The following DLGAP2 variants were observed in gnomAD, a reference collection of about 807,000 sequenced individuals.
DLGAP2 encodes disks large-associated protein 2.
In DLGAP2, 26 loss-of-function variants were observed where a neutral mutation model predicts 100.3. The ratio of observed to expected loss-of-function variants is 0.26; its 90% confidence interval spans 0.19 to 0.36. The LOEUF is 0.36. Among genes scored for constraint, DLGAP2 ranks in the 10% least tolerant of loss-of-function variants. DLGAP2 has a pLI of 1.00. For missense variants in DLGAP2, 1,858 were observed against 1,453.2 expected (o/e 1.28, Z -4.53); for synonymous variants, 886 against 630.1 (o/e 1.41, Z -6.08).
intron 3 of DLGAP2, among the ~76,000 whole-genome samples, chr8:1,413,115 G>A (rs570190841): frequency 6.6e-6 from 1 of 152,286 alleles, no homozygotes; most frequent in East Asian, 1.9e-4. Flanking sequence ...GGAACTCACA[G>A]CTTTGTGTTC....
intron 3 of DLGAP2, among the ~76,000 whole-genome samples, chr8:1,317,495 T>C (rs1216512816): frequency 2.8e-5 from 4 of 140,812 alleles, no homozygotes; most frequent in Non-Finnish European, 6.1e-5. Context: ...TGGTCTACAC[T>C]CGAGACACTT....
intron 2 of DLGAP2, among the ~76,000 whole-genome samples, chr8:927,904 C>G (rs902403535): frequency 2.6e-5 from 4 of 152,236 alleles, no homozygotes; most frequent in Non-Finnish European, 5.9e-5. Context: ...CACAGATGCA[C>G]AAGTTCCCCT....
At chr8:1,276,217 C>A (rs977497731) in intron 3 of DLGAP2, among the ~76,000 whole-genome samples, 5 of 150,874 alleles carry the variant, frequency 3.3e-5, no homozygotes, top group South Asian at 2.1e-4. Flanking sequence ...CACTCCCCCC[C>A]CGACCCTAGC....
chr8:1,082,423 A>G (rs1381533454), intron 2 of DLGAP2, among the ~76,000 whole-genome samples: 6 of 152,244 alleles, frequency 3.9e-5, no homozygotes, highest in African/African-American at 1.4e-4. Flanking sequence ...GGGGGCAGCC[A>G]ACACGGGATA....
At chr8:1,495,153 A>T (rs568459656) in intron 3 of DLGAP2, among the ~76,000 whole-genome samples, 2 of 152,158 alleles carry the variant, frequency 1.3e-5, no homozygotes, top group Non-Finnish European at 2.9e-5. Context: ...GTCAAGGTCA[A>T]TGGAGTCCTG....
intron 3 of DLGAP2, among the ~76,000 whole-genome samples, chr8:1,433,295 A>C (rs1355329287): frequency 6.6e-6 from 1 of 152,238 alleles, no homozygotes; most frequent in East Asian, 1.9e-4. Flanking sequence ...GTTCCGAAAC[A>C]ACCCCTGTAC....
intron 2 of DLGAP2, among the ~76,000 whole-genome samples, chr8:1,124,527 C>T (rs903576931): frequency 6.6e-6 from 1 of 152,136 alleles, no homozygotes; most frequent in Non-Finnish European, 1.5e-5. Context: ...ATATACTTTT[C>T]TGTTTGTTTT....
At chr8:1,281,096 T>C (rs1799805048) in intron 3 of DLGAP2, among the ~76,000 whole-genome samples, 3 of 152,220 alleles carry the variant, frequency 2.0e-5, no homozygotes, top group Admixed American at 6.5e-5. Flanking sequence ...TTCAATGAGA[T>C]TATGTATGCC....
In DLGAP2 at chr8:917,358, C is replaced by G. The variant is rs1018806988; in HGVS notation, c.73+9392C>G. Among the ~76,000 whole-genome samples the G allele has an allele frequency of 2.6e-5, 4 of 151,940 alleles. No homozygotes were observed. The South Asian group carries it at 6.3e-4, about 24-fold the overall frequency. ...GGCACAAACAATCTTTCCACCTCAG[C>G]CCCTCAAGTAGCTGAGACTACAGGT... On this transcript the variant is annotated intron_variant, in intron 2 of 14. Coordinates refer to ENST00000637795, the MANE Select transcript of DLGAP2 (RefSeq NM_001346810.2).
At chr8:881,367 TAG>T (rs1797787752) in intron 1 of DLGAP2, among the ~76,000 whole-genome samples, 1 of 152,144 alleles carries the variant, frequency 6.6e-6, no homozygotes, top group African/African-American at 2.4e-5. Context: ...TCTCTGTAAA[TAG>T]AGATTCTTAT....
At chr8:1,626,929 C>G in intron 7 of DLGAP2, 42 bp downstream of exon 7, 2 of 1,554,236 alleles carry the variant, frequency 1.3e-6, no homozygotes, top group South Asian at 1.2e-5. Context: ...TCCAGTCTCC[C>G]CAGCCAGGCT....
rs1312379554 is a variant in DLGAP2, at chr8:1,569,649, T to G, written c.1442+3755T>G. Among the ~76,000 whole-genome samples, 3 of 152,226 alleles carry G rather than the reference T, an allele frequency of 2.0e-5. No individual in the cohort carries two copies. The South Asian group carries it at 6.2e-4, about 32-fold the overall frequency. On this transcript the variant is annotated intron_variant, in intron 6 of 14. Coordinates refer to ENST00000637795, the MANE Select transcript of DLGAP2 (RefSeq NM_001346810.2). ...ATGACATTGCTGAAGCTCAGCTTTG[T>G]AACTCAGGGAAGCTCTCATGATGCC...
At chr8:1,138,569 G>A (rs988157121) in intron 2 of DLGAP2, among the ~76,000 whole-genome samples, 2 of 152,248 alleles carry the variant, frequency 1.3e-5, no homozygotes, top group Non-Finnish European at 2.9e-5. Context: ...TTAGAAACAC[G>A]AGAAGACACT....
At chr8:1,662,025 C>A (rs550099996) in intron 8 of DLGAP2, among the ~76,000 whole-genome samples, 22 of 152,312 alleles carry the variant, frequency 1.4e-4, no homozygotes, top group African/African-American at 4.8e-4. Context: ...ACAGCAAGAC[C>A]TCAGGGGAAG....
At chr8:1,633,708 C>A (rs980286812) in intron 8 of DLGAP2, among the ~76,000 whole-genome samples, 1 of 152,022 alleles carries the variant, frequency 6.6e-6, no homozygotes, top group Non-Finnish European at 1.5e-5. Context: ...ACACAGCAAG[C>A]AATAAAAGCT....
At chr8:844,417 G>A (rs1018515827) in intron 1 of DLGAP2, among the ~76,000 whole-genome samples, 3 of 152,148 alleles carry the variant, frequency 2.0e-5, no homozygotes, top group Non-Finnish European at 2.9e-5. Context: ...CGACAGTCTC[G>A]ATTGACCCCC....
intron 1 of DLGAP2, among the ~76,000 whole-genome samples, chr8:883,703 G>T (rs1797864047): frequency 1.3e-5 from 2 of 152,084 alleles, no homozygotes; most frequent in African/African-American, 2.4e-5. Flanking sequence ...GTAGGTGCGC[G>T]TGTGCCGCGG....
intron 6 of DLGAP2, among the ~76,000 whole-genome samples, chr8:1,572,426 C>T (rs1448392185): frequency 9.6e-6 from 1 of 104,158 alleles, no homozygotes; most frequent in Non-Finnish European, 1.8e-5. Flanking sequence ...GGGGCATCTG[C>T]TGGAATAGAG....
rs1054275821 is a variant in DLGAP2 at position 927,164 on chromosome 8, G to A, written c.73+19198G>A. 6 of 985,346 alleles carry A rather than the reference G, an allele frequency of 6.1e-6. No individual in the cohort carries two copies. In the African/African-American group the frequency reaches 1.0e-4, roughly 17 times the overall value. 61.0% of individuals were successfully genotyped at this position (985,346 alleles called of 1,614,324 possible). A position where few individuals can be genotyped will look rare whatever the true frequency, so the allele number is the denominator to read the frequency against. Reference sequence around the variant, plus strand: ...ATGAAGGTGAAGCTGGTGATGATGTGTCAGATGGGGAGTGTTCAGGAAAAC... The same window carrying A: ...ATGAAGGTGAAGCTGGTGATGATGTATCAGATGGGGAGTGTTCAGGAAAAC... On this transcript the variant is annotated intron_variant, in intron 2 of 14. Transcript: ENST00000637795.
Sources: allele counts gnomAD v4.1 joint callset (sites outside exome capture counted in the v4.1 genomes callset), GRCh38; gene constraint gnomAD v4.1.1; transcripts MANE v1.5; gene names NCBI Gene and HGNC (gene_info 2026-07-23, HGNC 2026-07-21).